The following SLC8A1 variants were observed in gnomAD, a reference collection of about 807,000 sequenced individuals.
SLC8A1 encodes the protein solute carrier family 8 member A1.
In SLC8A1, 18 loss-of-function variants were observed where a neutral mutation model predicts 68.3. That is an observed-to-expected ratio of 0.26 (90% CI 0.18 to 0.39). The LOEUF (loss-of-function observed/expected upper bound fraction) is 0.39. Ranked by LOEUF, SLC8A1 falls within the 10% of genes least tolerant of loss-of-function variation. The pLI is 1.00. For synonymous variants in SLC8A1, 475 were observed against 415.5 expected (o/e 1.14, Z -1.74); for missense variants, 985 against 1,156.7 (o/e 0.85, Z 2.15).
intron 6 of SLC8A1, among the ~76,000 whole-genome samples, chr2:40,156,472 C>G (rs2044524123): frequency 7.2e-6 from 1 of 139,154 alleles, no homozygotes; most frequent in South Asian, 2.5e-4. Flanking sequence ...TCAGGAAACT[C>G]TTTAATGCTG....
At chr2:40,214,292 G>A (rs778370993) in intron 2 of SLC8A1, among the ~76,000 whole-genome samples, 1 of 152,126 alleles carries the variant, frequency 6.6e-6, no homozygotes, top group Non-Finnish European at 1.5e-5. Context: ...CCACAGAAAA[G>A]CAGACTTCCT....
intron 2 of SLC8A1, among the ~76,000 whole-genome samples, chr2:40,329,595 A>T (rs1296223049): frequency 6.6e-6 from 1 of 152,244 alleles, no homozygotes; most frequent in Non-Finnish European, 1.5e-5. Context: ...TTTTCTTTCC[A>T]ATCAGCCCTA....
At chr2:40,147,318 T>C (rs952982350) in intron 6 of SLC8A1, among the ~76,000 whole-genome samples, 1 of 152,226 alleles carries the variant, frequency 6.6e-6, no homozygotes, top group African/African-American at 2.4e-5. Context: ...CAAGCTTGGT[T>C]GTTTATAAAA....
chr2:40,335,192 ATAC>A (rs1194730137), intron 2 of SLC8A1, among the ~76,000 whole-genome samples: 6 of 152,352 alleles, frequency 3.9e-5, no homozygotes, highest in African/African-American at 1.4e-4. Flanking sequence ...TACAATTATC[ATAC>A]TACAACTGGC....
chr2:40,417,268 G>A (rs1694159535), intron 2 of SLC8A1, among the ~76,000 whole-genome samples: 1 of 151,980 alleles, frequency 6.6e-6, no homozygotes, highest in Non-Finnish European at 1.5e-5. Flanking sequence ...TGTCACCCAG[G>A]TAATATGCAT....
chr2:40,279,771 A>C (rs920738509), intron 2 of SLC8A1, among the ~76,000 whole-genome samples: 1 of 152,208 alleles, frequency 6.6e-6, no homozygotes, highest in Non-Finnish European at 1.5e-5. Context: ...AAGTTGGTAC[A>C]TTCTGTTTTT....
At chr2:40,344,828 G>A (rs1668759384) in intron 2 of SLC8A1, among the ~76,000 whole-genome samples, 2 of 152,062 alleles carry the variant, frequency 1.3e-5, no homozygotes, top group South Asian at 4.2e-4. Context: ...AGAATTCATG[G>A]ACCTGATACT....
At chr2:40,187,690 G>C (rs1323555557) in intron 2 of SLC8A1, among the ~76,000 whole-genome samples, 1 of 152,136 alleles carries the variant, frequency 6.6e-6, no homozygotes, top group Non-Finnish European at 1.5e-5. Context: ...ACAAATATAT[G>C]AGCTACTTTT....
intron 2 of SLC8A1, among the ~76,000 whole-genome samples, chr2:40,249,808 A>G (rs1464656880): frequency 6.6e-6 from 1 of 152,212 alleles, no homozygotes; most frequent in African/African-American, 2.4e-5. Context: ...ACTCTGTATT[A>G]TCTGCCTAGA....
chr2:40,103,124 A>G (rs1449232476), exon 8 of SLC8A1: 1 of 152,168 alleles, frequency 6.6e-6, no homozygotes, highest in Non-Finnish European at 1.5e-5. Flanking sequence ...TGAAGCTGAA[A>G]TAGTTTTGCC....
chr2:40,316,198 G>A (rs186505519), intron 2 of SLC8A1, among the ~76,000 whole-genome samples: 1 of 152,142 alleles, frequency 6.6e-6, no homozygotes, highest in Non-Finnish European at 1.5e-5. Context: ...TTATAAGCCT[G>A]GATCCAATCA....
chr2:40,439,632 G>A (rs1233900499), intron 1 of SLC8A1, among the ~76,000 whole-genome samples: 2 of 152,048 alleles, frequency 1.3e-5, no homozygotes, highest in South Asian at 4.1e-4. Flanking sequence ...TGTGTGAGCA[G>A]AGGCTGGTGA....
chr2:40,298,801 G>T (rs550405200), intron 2 of SLC8A1, among the ~76,000 whole-genome samples: 1 of 152,200 alleles, frequency 6.6e-6, no homozygotes, highest in African/African-American at 2.4e-5. Flanking sequence ...ACTAATGATG[G>T]TGAAATAAAA....
intron 2 of SLC8A1, among the ~76,000 whole-genome samples, chr2:40,374,908 C>T (rs1258654724): frequency 2.0e-5 from 3 of 152,056 alleles, no homozygotes; most frequent in Non-Finnish European, 2.9e-5. Flanking sequence ...TCGTCAATAT[C>T]CACTAAAAAG....
At chr2:40,298,407 C>T (rs898217554) in intron 2 of SLC8A1, among the ~76,000 whole-genome samples, 1 of 152,080 alleles carries the variant, frequency 6.6e-6, no homozygotes, top group Non-Finnish European at 1.5e-5. Context: ...TTGTTTTCAA[C>T]AGATTAAATG....
chr2:40,445,341 G>A (rs1701248027), intron 1 of SLC8A1, among the ~76,000 whole-genome samples: 1 of 152,130 alleles, frequency 6.6e-6, no homozygotes, highest in Admixed American at 6.5e-5. Context: ...CAAACTAGAT[G>A]AAAAGTCGTA....
At chr2:40,441,225 G>A (rs564836282) in intron 1 of SLC8A1, among the ~76,000 whole-genome samples, 3 of 152,190 alleles carry the variant, frequency 2.0e-5, no homozygotes, top group East Asian at 1.9e-4. Flanking sequence ...TACAAGGGAC[G>A]TGAGGGACCT....
chr2:40,428,807 G>A, exon 2 of SLC8A1: 1 of 1,613,788 alleles, frequency 6.2e-7, no homozygotes, highest in Non-Finnish European at 8.5e-7. Context: ...AGATGCACAA[G>A]GAAATTTTCA....
chr2:40,392,480 T>C (rs1685621210), intron 2 of SLC8A1, among the ~76,000 whole-genome samples: 1 of 152,068 alleles, frequency 6.6e-6, no homozygotes, highest in African/African-American at 2.4e-5. Flanking sequence ...TTGATGAAAG[T>C]GGGCAAAATG....
Sources: allele counts gnomAD v4.1 joint callset (sites outside exome capture counted in the v4.1 genomes callset), GRCh38; gene constraint gnomAD v4.1.1; transcripts MANE v1.5; gene names NCBI Gene and HGNC (gene_info 2026-07-23, HGNC 2026-07-21).